Variants in ROBO2 observed in about 807,000 individuals in gnomAD.
The protein encoded by ROBO2 is roundabout guidance receptor 2.
ROBO2 carries 53 observed loss-of-function variants against 160.8 expected under a neutral mutation model. The ratio of observed to expected loss-of-function variants is 0.33; its 90% confidence interval spans 0.26 to 0.41. The LOEUF (loss-of-function observed/expected upper bound fraction) is 0.41, where lower values mean the gene tolerates loss of function less well. Among genes scored for constraint, ROBO2 ranks in the 10% least tolerant of loss-of-function variants. ROBO2 has a pLI of 1.00. For missense variants in ROBO2, 1,577 were observed against 1,722.4 expected (o/e 0.92, Z 1.49); for synonymous variants, 664 against 611.7 (o/e 1.09, Z -1.26).
At chr3:77,527,544 T>C in intron 6 of ROBO2, 130 bp downstream of exon 7, 1 of 605,960 alleles carries the variant, frequency 1.7e-6, no homozygotes, top group Non-Finnish European at 2.2e-6. Flanking sequence ...GACTGTATGC[T>C]GTAAAAGTTG....
chr3:76,936,746 G>A (rs1479425543), intron 2 of ROBO2, among the ~76,000 whole-genome samples: 3 of 150,110 alleles, frequency 2.0e-5, no homozygotes, highest in Non-Finnish European at 4.4e-5. Flanking sequence ...CACAACAGCA[G>A]TGGATATTTT....
intron 2 of ROBO2, among the ~76,000 whole-genome samples, chr3:77,301,512 A>G (rs1553899418): frequency 6.6e-6 from 1 of 152,210 alleles, no homozygotes; most frequent in African/African-American, 2.4e-5. Flanking sequence ...AGCAGTCTAT[A>G]TATTTATTCA....
chr3:77,648,323 T>C (rs551518369), exon 26 of ROBO2: 3 of 152,238 alleles, frequency 2.0e-5, no homozygotes, highest in African/African-American at 4.8e-5. Context: ...TCATTACATA[T>C]ACAACACATA....
At chr3:77,404,656 T>C (rs2076113983) in intron 2 of ROBO2, among the ~76,000 whole-genome samples, 1 of 152,290 alleles carries the variant, frequency 6.6e-6, no homozygotes, top group Non-Finnish European at 1.5e-5. Flanking sequence ...TGGATATTCT[T>C]AGAATTTAAT....
At chr3:76,436,482 C>A (rs963425359) in intron 2 of ROBO2, among the ~76,000 whole-genome samples, 1 of 152,150 alleles carries the variant, frequency 6.6e-6, no homozygotes, top group African/African-American at 2.4e-5. Flanking sequence ...ACTTATGTAA[C>A]AATCTTGCAC....
At chr3:76,966,363 A>AT (rs2059294571) in intron 2 of ROBO2, among the ~76,000 whole-genome samples, 1 of 152,122 alleles carries the variant, frequency 6.6e-6, no homozygotes, top group Non-Finnish European at 1.5e-5. Flanking sequence ...CTGTTATTTC[A>AT]TTTTTTCCAC....
At chr3:76,732,268 C>A (rs1159345854) in intron 2 of ROBO2, among the ~76,000 whole-genome samples, 1 of 152,030 alleles carries the variant, frequency 6.6e-6, no homozygotes, top group East Asian at 1.9e-4. Context: ...GAGACTGGTG[C>A]ATATGTTGAT....
At chr3:77,373,952 C>A (rs2072219907) in intron 2 of ROBO2, among the ~76,000 whole-genome samples, 1 of 149,986 alleles carries the variant, frequency 6.7e-6, no homozygotes, top group Admixed American at 6.6e-5. Flanking sequence ...CGGGGAGGAT[C>A]ACCTGAGGTC....
At chr3:76,638,188 C>T (rs1379548822) in intron 2 of ROBO2, among the ~76,000 whole-genome samples, 1 of 152,154 alleles carries the variant, frequency 6.6e-6, no homozygotes, top group Non-Finnish European at 1.5e-5. Context: ...AGGAAGCCCT[C>T]ACATGAATGC....
intron 2 of ROBO2, among the ~76,000 whole-genome samples, chr3:76,346,939 G>C (rs1030757096): frequency 3.9e-5 from 6 of 152,116 alleles, no homozygotes; most frequent in African/African-American, 1.4e-4. Context: ...CTAATGTGAA[G>C]ATGATGCAGT....
At chr3:76,365,137 G>A (rs1380466467) in intron 2 of ROBO2, among the ~76,000 whole-genome samples, 1 of 152,058 alleles carries the variant, frequency 6.6e-6, no homozygotes, top group Non-Finnish European at 1.5e-5. Context: ...AGAAGAGAGA[G>A]AGCCTGTGGT....
intron 2 of ROBO2, among the ~76,000 whole-genome samples, chr3:76,816,537 A>G (rs1422668591): frequency 6.6e-6 from 1 of 152,040 alleles, no homozygotes; most frequent in Non-Finnish European, 1.5e-5. Flanking sequence ...TTATGATATT[A>G]ATAACATGTT....
intron 2 of ROBO2, among the ~76,000 whole-genome samples, chr3:76,619,624 A>G (rs1041844560): frequency 2.0e-5 from 3 of 152,208 alleles, no homozygotes; most frequent in Non-Finnish European, 4.4e-5. Flanking sequence ...AGCACACACC[A>G]TTAGAGAGAG....
At chr3:76,744,239 G>T (rs1001711460) in intron 2 of ROBO2, among the ~76,000 whole-genome samples, 5 of 152,118 alleles carry the variant, frequency 3.3e-5, no homozygotes, top group Non-Finnish European at 5.9e-5. Context: ...GAAAGTTCAA[G>T]ACCAAGGTAT....
At position 77,527,021 on chromosome 3, in the gene ROBO2, T is replaced by C. The variant is rs1427086946; in HGVS notation, c.934+4119T>C. Among the ~76,000 whole-genome samples, 6 of 151,582 alleles carry C rather than the reference T, an allele frequency of 4.0e-5. No individual in the cohort carries two copies. The East Asian group carries it at 1.2e-3, about 30-fold the overall frequency. ...CTATTTAAATCAGACAGCGAGGCCT[T>C]CTTTTATTGACATGACATTTGCTAG... On this transcript the variant is annotated intron_variant, in intron 6 of 25. Transcript: ENST00000461745.
intron 2 of ROBO2, among the ~76,000 whole-genome samples, chr3:76,399,178 T>C (rs2077666199): frequency 1.3e-5 from 2 of 151,786 alleles, no homozygotes; most frequent in South Asian, 4.1e-4. Flanking sequence ...TTTTATATTG[T>C]TGAATTTGTA....
At chr3:76,975,757 C>T (rs1425564728) in intron 2 of ROBO2, among the ~76,000 whole-genome samples, 2 of 152,002 alleles carry the variant, frequency 1.3e-5, no homozygotes, top group Non-Finnish European at 2.9e-5. Context: ...TGTCAAAACA[C>T]AAATCTTTTT....
At chr3:77,387,420 G>C (rs763250720) in intron 2 of ROBO2, among the ~76,000 whole-genome samples, 1 of 151,828 alleles carries the variant, frequency 6.6e-6, no homozygotes, top group Non-Finnish European at 1.5e-5. Context: ...AACCTAGGTC[G>C]AATCAAGCAC....
At chr3:77,280,366 G>C (rs147159095) in intron 2 of ROBO2, among the ~76,000 whole-genome samples, 1 of 152,206 alleles carries the variant, frequency 6.6e-6, no homozygotes, top group Non-Finnish European at 1.5e-5. Flanking sequence ...TTTAAATCTA[G>C]GGTTGATAAA....
Sources: allele counts gnomAD v4.1 joint callset (sites outside exome capture counted in the v4.1 genomes callset), GRCh38; gene constraint gnomAD v4.1.1; transcripts MANE v1.5; gene names NCBI Gene and HGNC (gene_info 2026-07-23, HGNC 2026-07-21).